Variants in ZNF148 observed in about 807,000 individuals in gnomAD.
ZNF148 encodes the protein Beta-Enolase Repressor Factor-1.
A neutral mutation model predicts 67.7 loss-of-function variants in ZNF148; 7 were observed. The observed-to-expected ratio is 0.10, with a 90% confidence interval of 0.06 to 0.19. The LOEUF (loss-of-function observed/expected upper bound fraction) is 0.19, where lower values mean the gene tolerates loss of function less well. Ranked by LOEUF, ZNF148 falls within the 10% of genes least tolerant of loss-of-function variation. The pLI is 1.00. For synonymous variants in ZNF148, 333 were observed against 330.7 expected (o/e 1.01, Z -0.08); for missense variants, 583 against 947.1 (o/e 0.62, Z 5.05).
At chr3:125,321,141 T>C (rs1440422522) in intron 3 of ZNF148, among the ~76,000 whole-genome samples, 2 of 152,182 alleles carry the variant, frequency 1.3e-5, no homozygotes. Context: ...TCTTCAGATA[T>C]ACCTCTGTAT....
intron 1 of ZNF148, among the ~76,000 whole-genome samples, chr3:125,367,815 A>G (rs1364366611): frequency 6.6e-6 from 1 of 152,232 alleles, no homozygotes; most frequent in Non-Finnish European, 1.5e-5. Context: ...TGTGGGGTAC[A>G]GGCTCATAAA....
intron 1 of ZNF148, among the ~76,000 whole-genome samples, chr3:125,362,018 C>CA (rs992803583): frequency 2.6e-5 from 4 of 152,154 alleles, no homozygotes; most frequent in African/African-American, 9.7e-5. Flanking sequence ...TCCAGAATAT[C>CA]ATGACCTTCC....
intron 7 of ZNF148, among the ~76,000 whole-genome samples, chr3:125,256,400 G>A (rs1248981319): frequency 3.3e-5 from 5 of 150,696 alleles, no homozygotes; most frequent in Admixed American, 6.6e-5. Flanking sequence ...GCCCTGGCTA[G>A]GTGTGGTGGC....
rs143141734 is a variant in ZNF148 at position 125,349,336 on chromosome 3, G to A, written c.-233-18098C>T. On this transcript the variant is annotated intron_variant, in intron 1 of 8. Coordinates refer to ENST00000360647, the MANE Select transcript of ZNF148 (RefSeq NM_021964.3). ...TATTTGCAACTACACATCTGCTAAG[G>A]GGCTAAAATCCACAATATACAAGGA... Among the ~76,000 whole-genome samples the A allele has an allele frequency of 4.3e-3, 659 of 152,232 alleles. 5 individuals carry two copies. The highest frequency in any genetic ancestry group is 0.015 in the African/African-American group (609 of 41,530).
In ZNF148 at chr3:125,232,325, C is replaced by T. The variant is rs750493572; in HGVS notation, c.*16G>A. The T allele has an allele frequency of 4.7e-6, 7 of 1,489,258 alleles. No homozygotes were observed. Among genetic ancestry groups the T allele is most frequent in the South Asian group, 3.6e-5 (3 of 83,996 alleles). The allele number at this position is 1,489,258 out of a possible 1,614,324, so 92.3% of individuals were successfully genotyped here. On this transcript the variant is annotated 3_prime_UTR_variant, in exon 9 of 9. Transcript: ENST00000360647. The surrounding 1 kb of genome is among the most constrained non-coding windows in gnomAD (Gnocchi z 4.2). ...TGTTCTAAAGTGCCAGTATTATTTA[C>T]ACTTTTTTTTTTTTTTTAGCCAAAA...
chr3:125,260,714 A>T (rs984029071), intron 7 of ZNF148, among the ~76,000 whole-genome samples: 1 of 152,228 alleles, frequency 6.6e-6, no homozygotes, highest in Non-Finnish European at 1.5e-5. Context: ...ACACGCACAG[A>T]ACTATACACT....
At chr3:125,305,791 C>CAAAAAA (rs778876630) in intron 4 of ZNF148, among the ~76,000 whole-genome samples, 1 of 81,992 alleles carries the variant, frequency 1.2e-5, no homozygotes, top group Non-Finnish European at 2.6e-5. Context: ...CCAGCACGGG[C>CAAAAAA]AAAAAAAAAA....
intron 1 of ZNF148, among the ~76,000 whole-genome samples, chr3:125,359,472 A>G (rs186291089): frequency 1.3e-5 from 2 of 152,342 alleles, no homozygotes; most frequent in Admixed American, 6.5e-5. Flanking sequence ...GCTCATGTCT[A>G]TAATCCCAGC....
At chr3:125,321,148 G>GTATC (rs1559754638) in intron 3 of ZNF148, among the ~76,000 whole-genome samples, 1 of 152,080 alleles carries the variant, frequency 6.6e-6, no homozygotes, top group Non-Finnish European at 1.5e-5. Flanking sequence ...ATATACCTCT[G>GTATC]TATAACTACC....
intron 1 of ZNF148, chr3:125,338,907 T>C (rs1941606254): frequency 6.6e-6 from 1 of 152,104 alleles, no homozygotes. Flanking sequence ...AATGTAGAGG[T>C]GTGCCTAAAC....
At chr3:125,366,585 G>A (rs1942710412) in intron 1 of ZNF148, among the ~76,000 whole-genome samples, 1 of 151,988 alleles carries the variant, frequency 6.6e-6, no homozygotes, top group Non-Finnish European at 1.5e-5. Context: ...AACTGCACCT[G>A]CCACTGTTAA....
chr3:125,371,181 C>T (rs1282682488), intron 1 of ZNF148, among the ~76,000 whole-genome samples: 1 of 146,600 alleles, frequency 6.8e-6, no homozygotes, highest in African/African-American at 2.5e-5. Flanking sequence ...GACGAAACCC[C>T]GTCTCTATAA....
Position 125,227,415 on chromosome 3 carries a change from A to G in ZNF148, c.*4926T>C, listed in dbSNP as rs895378833. Reference sequence around the variant, plus strand: ...GGGGATCCCAGGAAAATAACACTATATATCAGAAAATTCAACGTGCTCCAC... The same window carrying G: ...GGGGATCCCAGGAAAATAACACTATGTATCAGAAAATTCAACGTGCTCCAC... On this transcript the variant is annotated 3_prime_UTR_variant, in exon 9 of 9. Transcript: ENST00000360647. The G allele has an allele frequency of 1.3e-5, 2 of 152,586 alleles. No individual in the cohort carries two copies. The highest frequency in any genetic ancestry group is 3.2e-3 in the Middle Eastern group (1 of 316). 9.5% of individuals were successfully genotyped at this position (152,586 alleles called of 1,614,324 possible).
In ZNF148 at chr3:125,277,708, A is replaced by G; in HGVS notation, c.667+18T>C. The G allele has an allele frequency of 1.9e-6, 3 of 1,583,582 alleles. No homozygotes were observed. Among genetic ancestry groups the G allele is most frequent in the Non-Finnish European group, 2.6e-6 (3 of 1,161,488 alleles). On this transcript the variant is annotated intron_variant, in intron 7 of 8. Coordinates refer to ENST00000360647, the MANE Select transcript of ZNF148 (RefSeq NM_021964.3). ...AATAATCATTTTAATGAACCTAGTA[A>G]GGGTGGTTAACACTCACCAGTATGA... is the stretch of plus-strand genomic sequence containing the variant.
At chr3:125,277,500 T>C (rs1160775045) in intron 7 of ZNF148, among the ~76,000 whole-genome samples, 2 of 152,204 alleles carry the variant, frequency 1.3e-5, no homozygotes, top group East Asian at 1.9e-4. Context: ...TAAACATATA[T>C]TTTAGGTTAT....
intron 1 of ZNF148, among the ~76,000 whole-genome samples, chr3:125,336,731 C>T (rs1383524741): frequency 1.6e-4 from 19 of 120,422 alleles, no homozygotes; most frequent in Middle Eastern, 7.8e-3. Context: ...GGCTGGAGTG[C>T]GGTGGTACAA....
chr3:125,344,312 T>A (rs1054045034), intron 1 of ZNF148: 5 of 504,694 alleles, frequency 9.9e-6, no homozygotes, highest in African/African-American at 9.7e-5. Flanking sequence ...CCTAGTGACC[T>A]GAATGAAACA....
In ZNF148 at chr3:125,282,675, C is replaced by T. The variant is rs372239854; in HGVS notation, c.460-3428G>A. Among the ~76,000 whole-genome samples, 4 of 152,184 alleles carry T rather than the reference C, an allele frequency of 2.6e-5. No individual in the cohort carries two copies. The East Asian group carries it at 7.7e-4, about 29-fold the overall frequency. ...TTTCTTAATCTCATATCCATTATGA[C>T]ATATTTTCTGTTTTAAGACAAATCT... On this transcript the variant is annotated intron_variant, in intron 5 of 8. Coordinates refer to ENST00000360647, the MANE Select transcript of ZNF148 (RefSeq NM_021964.3).
At chr3:125,322,157 G>A (rs1447725141) in intron 3 of ZNF148, among the ~76,000 whole-genome samples, 1 of 150,036 alleles carries the variant, frequency 6.7e-6, no homozygotes, top group African/African-American at 2.5e-5. Flanking sequence ...AGCCTCCCGA[G>A]TAGCCGGGAC....
Sources: allele counts gnomAD v4.1 joint callset (sites outside exome capture counted in the v4.1 genomes callset), GRCh38; gene constraint gnomAD v4.1.1; non-coding constraint Gnocchi (gnomAD v3.1); transcripts MANE v1.5; gene names NCBI Gene and HGNC (gene_info 2026-07-23, HGNC 2026-07-21).